The following KSR2 variants were observed in gnomAD, a reference collection of about 807,000 sequenced individuals.
KSR2 encodes the protein kinase suppressor of ras 2.
KSR2 carries 25 observed loss-of-function variants against 107.8 expected under a neutral mutation model. That is an observed-to-expected ratio of 0.23 (90% CI 0.17 to 0.32). KSR2 has a LOEUF of 0.32. Ranked by LOEUF, KSR2 falls within the 10% of genes least tolerant of loss-of-function variation. The probability of loss-of-function intolerance (pLI) is 1.00; values close to 1 mark genes in which losing one functional copy is unlikely to be tolerated. For missense variants in KSR2, 887 were observed against 1,268.9 expected, an observed-to-expected ratio of 0.70 and a Z score of 4.57; for synonymous variants, 480 against 507.0, an observed-to-expected ratio of 0.95 and a Z score of 0.71.
intron 4 of KSR2, among the ~76,000 whole-genome samples, chr12:117,714,861 A>T (rs1165350296): frequency 6.6e-6 from 1 of 152,098 alleles, no homozygotes; most frequent in African/African-American, 2.4e-5. Flanking sequence ...CACCACGAAA[A>T]ATTATGCAGC....
intron 5 of KSR2, among the ~76,000 whole-genome samples, chr12:117,596,953 C>T (rs1198181123): frequency 6.6e-6 from 1 of 152,168 alleles, no homozygotes; most frequent in East Asian, 1.9e-4. Flanking sequence ...GTTACTGAAT[C>T]TTTCTTTTTC....
At position 117,454,468 on chromosome 12, in the gene KSR2, C is replaced by T. The variant is rs536554758; in HGVS notation, c.*12731G>A. 6.6e-6 allele frequency: 1 copy of T among 152,274 alleles called. No individual in the cohort carries two copies. Among genetic ancestry groups the T allele is most frequent in the South Asian group, 2.1e-4 (1 of 4,834 alleles). The allele number at this position is 152,274 out of a possible 1,614,324, so 9.4% of individuals were successfully genotyped here. On this transcript the variant is annotated 3_prime_UTR_variant, in exon 20 of 20. Coordinates refer to ENST00000339824, the MANE Select transcript of KSR2 (RefSeq NM_173598.6). ...ATGCTTTGTTTTCTGTCTTTCAAAC[C>T]CTGACATATTTATAGAGACAGCAAA...
rs114389727 is a variant in KSR2, at chr12:117,960,481, C to T, written c.180+7595G>A. On this transcript the variant is annotated intron_variant, in intron 1 of 19. Transcript: ENST00000339824. ...CGTTGCTGCCACCATGTAAGAAACC[C>T]GGGCTATCCTGCCAGAAAAGCCATG... Among the ~76,000 whole-genome samples, 735 of 152,250 alleles carry T rather than the reference C, an allele frequency of 4.8e-3. 4 individuals carry two copies. The highest frequency in any genetic ancestry group is 0.016 in the African/African-American group (679 of 41,560).
chr12:117,612,482 T>G (rs1482432423), intron 5 of KSR2, among the ~76,000 whole-genome samples: 1 of 152,202 alleles, frequency 6.6e-6, no homozygotes, highest in Admixed American at 6.5e-5. Flanking sequence ...TGTGTTTGCC[T>G]TTGGAAGGCA....
intron 14 of KSR2, among the ~76,000 whole-genome samples, chr12:117,499,580 G>A (rs192841882): frequency 6.6e-6 from 1 of 152,268 alleles, no homozygotes; most frequent in East Asian, 1.9e-4. Flanking sequence ...GAGACTTTCT[G>A]GCTGTTACTC....
chr12:117,765,791 G>A (rs7953403), intron 3 of KSR2, among the ~76,000 whole-genome samples: 56,660 of 151,986 alleles, frequency 0.37, 13,458 homozygotes, highest in African/African-American at 0.68. Context: ...GTGACAGTGG[G>A]CATTTGAGCA....
At chr12:117,763,584 C>T (rs1476192875) in intron 3 of KSR2, among the ~76,000 whole-genome samples, 1 of 152,116 alleles carries the variant, frequency 6.6e-6, no homozygotes, top group African/African-American at 2.4e-5. Flanking sequence ...AGGTGGTGTT[C>T]ACAACTGTGT....
intron 4 of KSR2, among the ~76,000 whole-genome samples, chr12:117,684,243 C>T (rs1008446096): frequency 2.0e-5 from 3 of 152,200 alleles, no homozygotes; most frequent in Non-Finnish European, 2.9e-5. Flanking sequence ...TTGAGGTACA[C>T]ACTGATTTTT....
At position 117,730,710 on chromosome 12, in the gene KSR2, G is replaced by C. The variant is rs559465998; in HGVS notation, c.986+30301C>G. 8.5e-5 allele frequency among the ~76,000 whole-genome samples: 13 copies of C among 152,356 alleles called. No individual in the cohort carries two copies. The South Asian group carries it at 1.7e-3, about 19-fold the overall frequency. The stretch of plus-strand genomic sequence containing the variant: ...TTTTTGGTGGAGACGGGGTTTCGCT[G>C]TGTTGGCCAGGCTGGTCTCCAGCTC... On this transcript the variant is annotated intron_variant, in intron 4 of 19. Coordinates refer to ENST00000339824, the MANE Select transcript of KSR2 (RefSeq NM_173598.6).
chr12:117,474,826 A>T (rs1468166819), intron 17 of KSR2, among the ~76,000 whole-genome samples: 1 of 151,992 alleles, frequency 6.6e-6, no homozygotes, highest in Non-Finnish European at 1.5e-5. Context: ...TTCATTTGTC[A>T]TCTCCACGAT....
At chr12:117,524,569 A>C (rs1304540809) in intron 14 of KSR2, among the ~76,000 whole-genome samples, 1 of 152,160 alleles carries the variant, frequency 6.6e-6, no homozygotes, top group Non-Finnish European at 1.5e-5. Context: ...TGGGAGGCTG[A>C]AGCGAAAGGA....
intron 1 of KSR2, among the ~76,000 whole-genome samples, chr12:117,912,263 A>G (rs896284191): frequency 1.3e-5 from 2 of 152,234 alleles, no homozygotes; most frequent in Admixed American, 1.3e-4. Context: ...CAATGGGAAA[A>G]GCTACTTCAC....
chr12:117,607,311 G>C (rs1881329445), intron 5 of KSR2, among the ~76,000 whole-genome samples: 1 of 152,206 alleles, frequency 6.6e-6, no homozygotes, highest in Non-Finnish European at 1.5e-5. Context: ...AGTGCTAAGG[G>C]CTGTGAGGCC....
chr12:117,815,029 T>G (rs1369227248), intron 3 of KSR2, among the ~76,000 whole-genome samples: 3 of 152,154 alleles, frequency 2.0e-5, no homozygotes, highest in Admixed American at 6.5e-5. Flanking sequence ...CTCTTAAATA[T>G]ATGAACATTC....
intron 3 of KSR2, among the ~76,000 whole-genome samples, chr12:117,852,958 A>T (rs907316329): frequency 2.0e-5 from 3 of 152,032 alleles, no homozygotes; most frequent in Non-Finnish European, 4.4e-5. Flanking sequence ...TGCGCCACCA[A>T]GCCCAGCTAA....
intron 19 of KSR2, among the ~76,000 whole-genome samples, chr12:117,468,472 G>A (rs533473914): frequency 2.6e-5 from 4 of 152,222 alleles, no homozygotes; most frequent in Non-Finnish European, 4.4e-5. Flanking sequence ...GGGGAAAGAA[G>A]AGATTCCATC....
intron 5 of KSR2, among the ~76,000 whole-genome samples, chr12:117,584,057 A>ATC (rs1194485191): frequency 6.6e-6 from 1 of 152,136 alleles, no homozygotes; most frequent in Non-Finnish European, 1.5e-5. Context: ...CAGAAATCCC[A>ATC]ATTCTGCCCT....
chr12:117,662,589 C>T (rs952466754), intron 5 of KSR2, among the ~76,000 whole-genome samples: 4 of 152,162 alleles, frequency 2.6e-5, no homozygotes, highest in Admixed American at 6.5e-5. Flanking sequence ...GAGGGGCTGC[C>T]GTCTTTCAAG....
chr12:117,475,753 G>T (rs1871738306), intron 17 of KSR2, among the ~76,000 whole-genome samples: 1 of 152,184 alleles, frequency 6.6e-6, no homozygotes, highest in South Asian at 2.1e-4. Context: ...CCCCTTAGGT[G>T]TGGACTGGAT....
Sources: gnomAD v4.1 joint callset for allele counts (sites outside exome capture counted in the v4.1 genomes callset) on GRCh38, gnomAD v4.1.1 for gene constraint, MANE v1.5 for transcripts, NCBI Gene and HGNC (gene_info 2026-07-23, HGNC 2026-07-21) for gene names.